The following PHACTR2 variants were observed in gnomAD, a reference collection of about 807,000 sequenced individuals.
PHACTR2 encodes phosphatase and actin regulator 2, also known as chromosome 6 open reading frame 56.
A neutral mutation model predicts 76.0 loss-of-function variants in PHACTR2; 30 were observed. That is an observed-to-expected ratio of 0.39 (90% CI 0.30 to 0.54). The LOEUF (loss-of-function observed/expected upper bound fraction) is 0.54. Ranked by LOEUF, PHACTR2 falls within the 20% of genes least tolerant of loss-of-function variation. PHACTR2 has a pLI of 0.61. For synonymous variants in PHACTR2, 292 were observed against 292.5 expected (o/e 1.00, Z 0.02); for missense variants, 696 against 781.1 (o/e 0.89, Z 1.30).
chr6:143,640,192 T>C (rs190671251), intron 1 of PHACTR2, among the ~76,000 whole-genome samples: 272 of 152,338 alleles, frequency 1.8e-3, no homozygotes, highest in Non-Finnish European at 3.1e-3. Context: ...CAGTGCATAA[T>C]GCTTGATAAT....
In PHACTR2 at chr6:143,825,734, C is replaced by G. The variant is rs1228452076; in HGVS notation, c.*2045C>G. The G allele has an allele frequency of 1.3e-5, 2 of 151,958 alleles. No individual in the cohort carries two copies. Among genetic ancestry groups the G allele is most frequent in the Non-Finnish European group, 1.5e-5 (1 of 68,002 alleles). The allele number at this position is 151,958 out of a possible 1,614,324, so 9.4% of individuals were successfully genotyped here. A position where few individuals can be genotyped will look rare whatever the true frequency, so the allele number is the denominator to read the frequency against. On this transcript the variant is annotated 3_prime_UTR_variant, in exon 13 of 13. Coordinates refer to ENST00000440869, the MANE Select transcript of PHACTR2 (RefSeq NM_001100164.2). The surrounding 1 kb of genome is among the most constrained non-coding windows in gnomAD (Gnocchi z 4.1). ...CTTTTAATTGTCTATGCTTAATCATCTTTAAACACTTTTTAAATTTCTAAC... is the reference window on the plus strand; with the variant it reads ...CTTTTAATTGTCTATGCTTAATCATGTTTAAACACTTTTTAAATTTCTAAC...
intron 12 of PHACTR2, among the ~76,000 whole-genome samples, chr6:143,810,788 C>T (rs1015116328): frequency 1.3e-4 from 20 of 151,512 alleles, no homozygotes; most frequent in African/African-American, 4.9e-4. Context: ...GGCATGGCTA[C>T]ACCACTGCAC....
rs902940983 is a variant in PHACTR2, at chr6:143,656,243, G to A, written c.13+47921G>A. ...CAGACCAGGGACTTCCTCTGACCTT[G>A]GCAACTCAGTTACCTCCTGTGAGCC... is the stretch of plus-strand genomic sequence containing the variant. On this transcript the variant is annotated intron_variant, in intron 1 of 11. Transcript: ENST00000305766. This position sits in a 1 kb window ranked among gnomAD's most constrained non-coding sequence, Gnocchi z 5.3. Among the ~76,000 whole-genome samples, 2 of 152,248 alleles carry A rather than the reference G, an allele frequency of 1.3e-5. No homozygotes were observed. Among genetic ancestry groups the A allele is most frequent in the African/African-American group, 4.8e-5 (2 of 41,552 alleles).
rs528062354 is a variant in PHACTR2 at position 143,777,411 on chromosome 6, C to T, written c.1645+28C>T. The T allele has an allele frequency of 7.4e-5, 95 of 1,285,730 alleles. 3 individuals are homozygous for T. The South Asian group carries it at 9.2e-4, about 12-fold the overall frequency. 79.6% of individuals were successfully genotyped at this position (1,285,730 alleles called of 1,614,324 possible). The stretch of plus-strand genomic sequence containing the variant: ...GAGTATTCTATACTATAGAATGATT[C>T]CTTGTGTAATCGCTAACAAGCTGCC... On this transcript the variant is annotated intron_variant, in intron 9 of 12. Coordinates refer to ENST00000440869, the MANE Select transcript of PHACTR2 (RefSeq NM_001100164.2). This position sits in a 1 kb window ranked among gnomAD's most constrained non-coding sequence, Gnocchi z 4.6.
At chr6:143,668,696 G>A (rs748892403) in intron 1 of PHACTR2, among the ~76,000 whole-genome samples, 2 of 152,060 alleles carry the variant, frequency 1.3e-5, no homozygotes, top group Non-Finnish European at 1.5e-5. Context: ...ATAGTAGTTC[G>A]TATTTCTGTA....
intron 1 of PHACTR2, among the ~76,000 whole-genome samples, chr6:143,600,917 C>G (rs964058197): frequency 6.6e-6 from 1 of 152,188 alleles, no homozygotes; most frequent in South Asian, 2.1e-4. Flanking sequence ...CCTGGCCATT[C>G]CTGGTAAATA....
intron 2 of PHACTR2, 126 bp from the exon 3 acceptor site, chr6:143,748,859 C>T: frequency 1.8e-6 from 1 of 554,798 alleles, no homozygotes; most frequent in Non-Finnish European, 3.2e-6. Context: ...TTTTTTTAAG[C>T]AACTAAGAAA....
chr6:143,677,336 T>C (rs1031234385), upstream of PHACTR2, among the ~76,000 whole-genome samples: 3 of 152,338 alleles, frequency 2.0e-5, no homozygotes, highest in East Asian at 1.9e-4. Context: ...CAGGATATTA[T>C]AGAAGGGTTT....
chr6:143,684,642 T>C lies in PHACTR2; in HGVS notation c.46+6433T>C, dbSNP rs1216113703. 6.6e-6 allele frequency among the ~76,000 whole-genome samples: 1 copy of C among 152,240 alleles called. No individual in the cohort carries two copies. The highest frequency in any genetic ancestry group is 1.5e-5 in the Non-Finnish European group (1 of 68,030). On this transcript the variant is annotated intron_variant, in intron 1 of 12. Transcript: ENST00000440869. This position sits in a 1 kb window ranked among gnomAD's most constrained non-coding sequence, Gnocchi z 4.3. ...TATATGAGAATTTCTGTTTCTGTACTCTGTCACCACCACTGAATATCAGGG... is the reference window on the plus strand; with the variant it reads ...TATATGAGAATTTCTGTTTCTGTACCCTGTCACCACCACTGAATATCAGGG...
intron 1 of PHACTR2, among the ~76,000 whole-genome samples, chr6:143,665,854 A>G (rs76482764): frequency 0.031 from 4,690 of 152,282 alleles, 246 homozygotes; most frequent in African/African-American, 0.11. Context: ...ACTCGTAGTA[A>G]AAGCTAAAGT....
chr6:143,798,983 C>T (rs1376389848), intron 11 of PHACTR2, among the ~76,000 whole-genome samples: 1 of 152,156 alleles, frequency 6.6e-6, no homozygotes, highest in Non-Finnish European at 1.5e-5. Context: ...CTTTGTACTT[C>T]TGGTAGAATT....
In PHACTR2 at chr6:143,754,544, T is replaced by G. The variant is rs1779258122; in HGVS notation, c.454+632T>G. 6.6e-6 allele frequency among the ~76,000 whole-genome samples: 1 copy of G among 152,180 alleles called. No individual in the cohort carries two copies. Among genetic ancestry groups the G allele is most frequent in the South Asian group, 2.1e-4 (1 of 4,822 alleles). Reference sequence around the variant, plus strand: ...ATTATGCTATTCCCAGAAGACTTCTTTAGAGACCTTGGTTCCTAGAGTGAA... The same window carrying G: ...ATTATGCTATTCCCAGAAGACTTCTGTAGAGACCTTGGTTCCTAGAGTGAA... On this transcript the variant is annotated intron_variant, in intron 4 of 12. Transcript: ENST00000440869. This position sits in a 1 kb window ranked among gnomAD's most constrained non-coding sequence, Gnocchi z 6.2.
intron 6 of PHACTR2, among the ~76,000 whole-genome samples, chr6:143,771,873 T>C (rs1299132450): frequency 6.6e-6 from 1 of 152,196 alleles, no homozygotes; most frequent in Non-Finnish European, 1.5e-5. Context: ...AGATGTAGTA[T>C]GCTAAGCACT....
rs373311463 is a variant in PHACTR2, at chr6:143,659,374, G to T, written c.13+51052G>T. Among the ~76,000 whole-genome samples the T allele has an allele frequency of 2.6e-4, 40 of 152,264 alleles. No homozygotes were observed. The East Asian group carries it at 7.1e-3, about 27-fold the overall frequency. On this transcript the variant is annotated intron_variant, in intron 1 of 11. Transcript: ENST00000305766. This position sits in a 1 kb window ranked among gnomAD's most constrained non-coding sequence, Gnocchi z 5.0. ...GCTGTATAAAAACCCTCTGCTGAGG[G>T]TGTCAGGGTCTCATGAAGCTGCAGT...
intron 6 of PHACTR2, among the ~76,000 whole-genome samples, chr6:143,766,841 A>T (rs1175373895): frequency 2.6e-5 from 4 of 152,224 alleles, no homozygotes; most frequent in Non-Finnish European, 1.5e-5. Flanking sequence ...TCTCACGAGT[A>T]TGAAGGGATG....
At position 143,823,653 on chromosome 6, in the gene PHACTR2, A is replaced by T; in HGVS notation, c.1923-21A>T. The T allele has an allele frequency of 6.2e-7, 1 of 1,607,664 alleles. No homozygotes were observed. The highest frequency in any genetic ancestry group is 8.5e-7 in the Non-Finnish European group (1 of 1,174,324). On this transcript the variant is annotated intron_variant, in intron 12 of 12. Coordinates refer to ENST00000440869, the MANE Select transcript of PHACTR2 (RefSeq NM_001100164.2). This position sits in a 1 kb window ranked among gnomAD's most constrained non-coding sequence, Gnocchi z 5.7. ...ATGTGCTCCTAGGCCACAGGCTTAT[A>T]GTTTCTATTTCTTACTCCAGGTTTC...
chr6:143,643,526 A>T (rs1469478741), intron 1 of PHACTR2, among the ~76,000 whole-genome samples: 1 of 152,204 alleles, frequency 6.6e-6, no homozygotes, highest in Non-Finnish European at 1.5e-5. Flanking sequence ...TTTATAATGC[A>T]TTGTTTCATC....
rs1775168424 is a variant in PHACTR2 at position 143,556,008 on chromosome 6, CAG to C, written c.217+18803_217+18804del. ...CACAATTAATTTTTTTAAAAAGAAA[CAG>C]AAAAAAAACAAAAAGAAAAGAGACC... On this transcript the variant is annotated intron_variant, in intron 1 of 11. Coordinates refer to the PHACTR2 transcript ENST00000367584. This position sits in a 1 kb window ranked among gnomAD's most constrained non-coding sequence, Gnocchi z 4.3. Among the ~76,000 whole-genome samples the C allele has an allele frequency of 7.0e-6, 1 of 142,160 alleles. No homozygotes were observed. The allele number at this position is 142,160 out of a possible 152,430, so 93.3% of individuals were successfully genotyped here. A position where few individuals can be genotyped will look rare whatever the true frequency, so the allele number is the denominator to read the frequency against.
In PHACTR2 at chr6:143,646,567, A is replaced by C. The variant is rs1370873435; in HGVS notation, c.13+38245A>C. ...AAAAAAAGGTGCTCCATTTTGCATGATTTATTATTGAACTAGAGTTCCCTT... is the reference window on the plus strand; with the variant it reads ...AAAAAAAGGTGCTCCATTTTGCATGCTTTATTATTGAACTAGAGTTCCCTT... On this transcript the variant is annotated intron_variant, in intron 1 of 11. Coordinates refer to the PHACTR2 transcript ENST00000305766. This position sits in a 1 kb window ranked among gnomAD's most constrained non-coding sequence, Gnocchi z 4.1. 1.3e-5 allele frequency among the ~76,000 whole-genome samples: 2 copies of C among 152,204 alleles called. No individual in the cohort carries two copies. Among genetic ancestry groups the C allele is most frequent in the African/African-American group, 4.8e-5 (2 of 41,456 alleles).
Sources: allele counts gnomAD v4.1 joint callset (sites outside exome capture counted in the v4.1 genomes callset), GRCh38; gene constraint gnomAD v4.1.1; non-coding constraint Gnocchi (gnomAD v3.1); transcripts MANE v1.5; gene names NCBI Gene and HGNC (gene_info 2026-07-23, HGNC 2026-07-21).